SGIP1: variants seen among roughly 807,000 people sequenced by gnomAD.
The protein encoded by SGIP1 is SH3GL interacting endocytic adaptor 1, also known as SH3-containing GRB2-like protein 3-interacting protein 1.
In SGIP1, 38 loss-of-function variants were observed where a neutral mutation model predicts 107.5. The observed-to-expected ratio is 0.35, with a 90% CI of 0.27 to 0.46. SGIP1 has a LOEUF of 0.46. Among genes scored for constraint, SGIP1 ranks in the 20% least tolerant of loss-of-function variants. The pLI is 1.00. For synonymous variants in SGIP1, 365 were observed against 366.1 expected (o/e 1.00, Z 0.03); for missense variants, 929 against 1,019.5 (o/e 0.91, Z 1.21).
At chr1:66,571,826 T>C (rs1163572651) in intron 1 of SGIP1, among the ~76,000 whole-genome samples, 1 of 150,112 alleles carries the variant, frequency 6.7e-6, no homozygotes, top group African/African-American at 2.5e-5. Context: ...TTTTCATGAC[T>C]CCAAGTCTTT....
At chr1:66,706,852 T>C (rs1206262540) in intron 18 of SGIP1, among the ~76,000 whole-genome samples, 1 of 152,182 alleles carries the variant, frequency 6.6e-6, no homozygotes, top group Non-Finnish European at 1.5e-5. Flanking sequence ...TATTTTAACA[T>C]ACGCTAATAT....
chr1:66,608,658 A>G (rs990248035), intron 1 of SGIP1, among the ~76,000 whole-genome samples: 2 of 152,148 alleles, frequency 1.3e-5, no homozygotes, highest in Admixed American at 6.5e-5. Context: ...GGCAGCTCCC[A>G]TTAATACTTA....
Position 66,595,977 on chromosome 1 carries a change from G to T in SGIP1, c.11-29870G>T, listed in dbSNP as rs769477417. Among the ~76,000 whole-genome samples the T allele has an allele frequency of 5.4e-4, 83 of 152,348 alleles. 4 individuals are homozygous for T. Among genetic ancestry groups the T allele is most frequent in the East Asian group, 3.9e-4 (2 of 5,190 alleles). The stretch of plus-strand genomic sequence containing the variant: ...GGCAGCACAAGGAATCCTTTTAATA[G>T]AACTGTTCTGTAGCTTGACTATGGT... On this transcript the variant is annotated intron_variant, in intron 1 of 24. Transcript: ENST00000371037.
chr1:66,556,682 C>T (rs1033108639), intron 1 of SGIP1, among the ~76,000 whole-genome samples: 1 of 149,866 alleles, frequency 6.7e-6, no homozygotes, highest in African/African-American at 2.5e-5. Context: ...GTGCAAGGTG[C>T]CCTACTTCTG....
chr1:66,725,207 C>T (rs1234020173), intron 19 of SGIP1, among the ~76,000 whole-genome samples: 1 of 152,174 alleles, frequency 6.6e-6, no homozygotes, highest in Non-Finnish European at 1.5e-5. Flanking sequence ...GTGAGGGAGG[C>T]TCACATGGCA....
intron 15 of SGIP1, among the ~76,000 whole-genome samples, chr1:66,687,121 A>T (rs1464960254): frequency 1.3e-5 from 2 of 152,148 alleles, no homozygotes; most frequent in African/African-American, 4.8e-5. Flanking sequence ...CACTAAAAGG[A>T]GTTTAAATTT....
intron 13 of SGIP1, among the ~76,000 whole-genome samples, chr1:66,678,612 T>C (rs2085912773): frequency 6.6e-6 from 1 of 152,156 alleles, no homozygotes; most frequent in African/African-American, 2.4e-5. Context: ...AAGCTCATAA[T>C]TAAGATTAAG....
chr1:66,589,860 CT>C (rs2148865521), intron 1 of SGIP1, among the ~76,000 whole-genome samples: 1 of 152,274 alleles, frequency 6.6e-6, no homozygotes, highest in East Asian at 1.9e-4. Context: ...TGGCTTAAGT[CT>C]CATCTCTTCA....
At chr1:66,601,519 A>C (rs966362321) in intron 1 of SGIP1, among the ~76,000 whole-genome samples, 1 of 151,634 alleles carries the variant, frequency 6.6e-6, no homozygotes, top group South Asian at 2.1e-4. Context: ...GAGTATGTGC[A>C]TGTGTGTGTG....
intron 1 of SGIP1, among the ~76,000 whole-genome samples, chr1:66,601,321 C>T (rs2065771932): frequency 6.6e-6 from 1 of 152,072 alleles, no homozygotes; most frequent in East Asian, 1.9e-4. Flanking sequence ...GCCGAGATCG[C>T]GCCACTGCAC....
chr1:66,579,706 C>T (rs1245200089), intron 1 of SGIP1, among the ~76,000 whole-genome samples: 2 of 152,144 alleles, frequency 1.3e-5, no homozygotes, highest in Non-Finnish European at 2.9e-5. Context: ...TTTGTTCATG[C>T]TTCTTGGATC....
At chr1:66,614,561 T>C (rs1212355090) in intron 1 of SGIP1, among the ~76,000 whole-genome samples, 3 of 152,204 alleles carry the variant, frequency 2.0e-5, no homozygotes, top group Non-Finnish European at 4.4e-5. Flanking sequence ...TCTATGTGTG[T>C]TTATCTGATG....
At position 66,574,179 on chromosome 1, in the gene SGIP1, A is replaced by G. The variant is rs182461659; in HGVS notation, c.10+39811A>G. On this transcript the variant is annotated intron_variant, in intron 1 of 24. Coordinates refer to ENST00000371037, the MANE Select transcript of SGIP1 (RefSeq NM_032291.4). ...TAAGATCTCAGAGTCCTCTGTAATC[A>G]TCTGGCAGATGGGGACAGGGAGCGG... 1.9e-4 allele frequency among the ~76,000 whole-genome samples: 29 copies of G among 152,250 alleles called. No individual in the cohort carries two copies. The East Asian group carries it at 2.9e-3, about 15-fold the overall frequency.
chr1:66,614,556 G>A (rs781212430), intron 1 of SGIP1, among the ~76,000 whole-genome samples: 1 of 152,094 alleles, frequency 6.6e-6, no homozygotes, highest in Non-Finnish European at 1.5e-5. Flanking sequence ...TTATTTCTAT[G>A]TGTGTTTATC....
chr1:66,689,101 T>G, intron 15 of SGIP1, 47 bp from the exon 16 acceptor site: 1 of 1,590,994 alleles, frequency 6.3e-7, no homozygotes, highest in Non-Finnish European at 8.6e-7. Flanking sequence ...TAACAGCGCT[T>G]TGGCCCCCTG....
chr1:66,745,428 G>A lies in SGIP1; in HGVS notation c.*2333G>A, dbSNP rs1453653609. ...AAGAGATCAAATAATAACACAATAA[G>A]CTGGTATCAGGGATTTGCATTTTGA... On this transcript the variant is annotated 3_prime_UTR_variant, in exon 25 of 25. Transcript: ENST00000371037. The A allele has an allele frequency of 6.6e-6, 1 of 151,898 alleles. No individual in the cohort carries two copies. The highest frequency in any genetic ancestry group is 1.5e-5 in the Non-Finnish European group (1 of 67,876). The allele number at this position is 151,898 out of a possible 1,614,324, so 9.4% of individuals were successfully genotyped here.
At chr1:66,676,116 C>T (rs1218798712) in intron 12 of SGIP1, among the ~76,000 whole-genome samples, 3 of 152,172 alleles carry the variant, frequency 2.0e-5, no homozygotes, top group Non-Finnish European at 4.4e-5. Context: ...TGTTAATCCT[C>T]TTCATAACTC....
At position 66,643,710 on chromosome 1, in the gene SGIP1, A is replaced by G. The variant is rs1558184637; in HGVS notation, c.450A>G (p.Pro150=). The change falls in exon 7 of 25, where the codon CCA becomes CCG. Residue 150 remains proline, a synonymous_variant. Coordinates refer to ENST00000371037, the MANE Select transcript of SGIP1 (RefSeq NM_032291.4). ...CAATAGGCAACATCGCACTTTCCCC[A>G]TCACCAGTGGTGAGTGTTGTGTGTG... ...KASIGNIALS[P]SPVRKSPRRS... is the part of the protein sequence containing the mutation. 6.2e-7 allele frequency: 1 copy of G among 1,608,192 alleles called. No homozygotes were observed. Among genetic ancestry groups the G allele is most frequent in the South Asian group, 1.1e-5 (1 of 89,898 alleles).
intron 2 of SGIP1, among the ~76,000 whole-genome samples, chr1:66,630,812 A>G (rs1185060573): frequency 1.9e-4 from 1 of 5,314 alleles, no homozygotes; most frequent in Non-Finnish European, 2.9e-4. Flanking sequence ...GGAAAGAAAG[A>G]AAGAAAGAAA....
Sources: allele counts gnomAD v4.1 joint callset (sites outside exome capture counted in the v4.1 genomes callset), GRCh38; gene constraint gnomAD v4.1.1; transcripts MANE v1.5; gene names NCBI Gene and HGNC (gene_info 2026-07-23, HGNC 2026-07-21).